The following RORA variants were observed in gnomAD, a reference collection of about 807,000 sequenced individuals.
RORA encodes the protein RAR related orphan receptor A.
In RORA, 7 loss-of-function variants were observed where a neutral mutation model predicts 69.5. That is an observed-to-expected ratio of 0.10 (90% CI 0.06 to 0.19). The LOEUF is 0.19. RORA is among the 10% of genes least tolerant of loss of function. The probability of loss-of-function intolerance (pLI) is 1.00; values close to 1 mark genes in which losing one functional copy is unlikely to be tolerated. For missense variants in RORA, 457 were observed against 663.0 expected (o/e 0.69, Z 3.41); for synonymous variants, 261 against 240.8 (o/e 1.08, Z -0.78).
chr15:60,929,001 G>C (rs1011689679), intron 1 of RORA, among the ~76,000 whole-genome samples: 1 of 151,908 alleles, frequency 6.6e-6, no homozygotes, highest in Non-Finnish European at 1.5e-5. Context: ...CTCAAGCCAA[G>C]GAGCAGACAC....
chr15:61,133,265 G>A (rs1449856658), intron 1 of RORA, among the ~76,000 whole-genome samples: 1 of 152,142 alleles, frequency 6.6e-6, no homozygotes, highest in African/African-American at 2.4e-5. Flanking sequence ...CTGTGGGGGT[G>A]TAAAGAGAAA....
In RORA at chr15:60,522,106, T is replaced by A. The variant is rs545981228; in HGVS notation, c.283-7349A>T. 7.2e-5 allele frequency among the ~76,000 whole-genome samples: 11 copies of A among 152,310 alleles called. No individual in the cohort carries two copies. The East Asian group carries it at 2.1e-3, about 29-fold the overall frequency. ...AGCTGAGTGCTAAAATGTCAGGAAT[T>A]TTGTTATTAAGGCTAGTTATTAAAT... is the stretch of plus-strand genomic sequence containing the variant. On this transcript the variant is annotated intron_variant, in intron 3 of 10. Coordinates refer to ENST00000335670, the MANE Select transcript of RORA (RefSeq NM_134261.3).
intron 1 of RORA, among the ~76,000 whole-genome samples, chr15:60,987,955 G>A (rs954130559): frequency 6.6e-6 from 1 of 152,180 alleles, no homozygotes; most frequent in African/African-American, 2.4e-5. Flanking sequence ...ACTGATTGAT[G>A]GGCTGGATCC....
In RORA at chr15:60,927,845, A is replaced by C. The variant is rs80018108; in HGVS notation, c.167-249159T>G. The stretch of plus-strand genomic sequence containing the variant: ...TGCAGAATGCAAGCGTCAGATTTTG[A>C]GACCATTCAGTCCGATGTTCTCATT... On this transcript the variant is annotated intron_variant, in intron 1 of 10. Coordinates refer to ENST00000335670, the MANE Select transcript of RORA (RefSeq NM_134261.3). Among the ~76,000 whole-genome samples the C allele has an allele frequency of 9.0e-3, 1,377 of 152,330 alleles. 31 individuals carry two copies. Among genetic ancestry groups the C allele is most frequent in the African/African-American group, 0.032 (1,322 of 41,558 alleles).
At chr15:60,825,386 T>C (rs1437715932) in intron 1 of RORA, among the ~76,000 whole-genome samples, 1 of 152,234 alleles carries the variant, frequency 6.6e-6, no homozygotes, top group Admixed American at 6.5e-5. Context: ...GAAGTCACTG[T>C]GACATTAATA....
chr15:61,069,645 A>G (rs1187248563), intron 1 of RORA, among the ~76,000 whole-genome samples: 1 of 152,020 alleles, frequency 6.6e-6, no homozygotes, highest in East Asian at 1.9e-4. Flanking sequence ...ATTAATCCAC[A>G]TTGTGAAAAA....
At chr15:60,506,705 A>T (rs1567042953) in intron 5 of RORA, among the ~76,000 whole-genome samples, 1 of 151,546 alleles carries the variant, frequency 6.6e-6, no homozygotes, top group Non-Finnish European at 1.5e-5. Flanking sequence ...ATACAAAAAA[A>T]AATTGGCGTG....
At chr15:61,141,708 C>CT (rs1371382090) in intron 1 of RORA, among the ~76,000 whole-genome samples, 1 of 152,170 alleles carries the variant, frequency 6.6e-6, no homozygotes, top group Non-Finnish European at 1.5e-5. Flanking sequence ...GGGAGTGTGG[C>CT]TTTATCAGGC....
chr15:61,128,092 G>A lies in RORA; in HGVS notation c.166+100961C>T, dbSNP rs184859901. Among the ~76,000 whole-genome samples, 4 of 152,100 alleles carry A rather than the reference G, an allele frequency of 2.6e-5. No individual in the cohort carries two copies. Among genetic ancestry groups the A allele is most frequent in the Admixed American group, 2.6e-4 (4 of 15,274 alleles). ...GGAGAAAGGGAGGGAAAATGCTTTTGGTTTCACACTGAAACATAATTTCAA... is the reference window on the plus strand; with the variant it reads ...GGAGAAAGGGAGGGAAAATGCTTTTAGTTTCACACTGAAACATAATTTCAA... On this transcript the variant is annotated intron_variant, in intron 1 of 10. Transcript: ENST00000335670. The surrounding 1 kb of genome is among the most constrained non-coding windows in gnomAD (Gnocchi z 4.5).
chr15:60,779,457 G>C (rs1237937924), intron 1 of RORA, among the ~76,000 whole-genome samples: 1 of 152,140 alleles, frequency 6.6e-6, no homozygotes, highest in Non-Finnish European at 1.5e-5. Context: ...TACCGGCCCA[G>C]CCCTGCCATC....
At chr15:60,696,816 T>C (rs944368313) in intron 1 of RORA, among the ~76,000 whole-genome samples, 1 of 152,170 alleles carries the variant, frequency 6.6e-6, no homozygotes, top group African/African-American at 2.4e-5. Flanking sequence ...TTATTTCTGC[T>C]GTAGAAGAAA....
At chr15:60,514,413 C>T (rs1363737856) in intron 4 of RORA, among the ~76,000 whole-genome samples, 4 of 152,092 alleles carry the variant, frequency 2.6e-5, no homozygotes, top group Non-Finnish European at 5.9e-5. Context: ...CATCAGCCAG[C>T]CAGCTGACTC....
At chr15:60,833,042 C>T (rs1365663240) in intron 1 of RORA, among the ~76,000 whole-genome samples, 1 of 148,906 alleles carries the variant, frequency 6.7e-6, no homozygotes, top group African/African-American at 2.5e-5. Flanking sequence ...GTAGCTGGGA[C>T]TACAGGCGCC....
intron 5 of RORA, among the ~76,000 whole-genome samples, chr15:60,510,190 A>T (rs1425813005): frequency 6.6e-6 from 1 of 152,230 alleles, no homozygotes; most frequent in African/African-American, 2.4e-5. Context: ...TAACTTAGTC[A>T]TCTCCACAGC....
At chr15:61,107,656 A>T (rs138484349) in intron 1 of RORA, among the ~76,000 whole-genome samples, 146 of 152,092 alleles carry the variant, frequency 9.6e-4, no homozygotes, top group African/African-American at 3.4e-3. Context: ...ATTTACTTTT[A>T]TCTAGTATAG....
intron 1 of RORA, among the ~76,000 whole-genome samples, chr15:60,959,873 T>A (rs1327354617): frequency 6.6e-6 from 1 of 152,100 alleles, no homozygotes; most frequent in East Asian, 1.9e-4. Context: ...CTGTGAAAAA[T>A]CTCTCAATTC....
At chr15:60,745,941 A>G (rs2071642155) in intron 1 of RORA, among the ~76,000 whole-genome samples, 1 of 152,148 alleles carries the variant, frequency 6.6e-6, no homozygotes, top group Admixed American at 6.5e-5. Flanking sequence ...AAAAGAATGT[A>G]CACTATGAAA....
intron 2 of RORA, among the ~76,000 whole-genome samples, chr15:60,564,376 A>G (rs1338447213): frequency 6.6e-6 from 1 of 152,222 alleles, no homozygotes; most frequent in African/African-American, 2.4e-5. Flanking sequence ...TACTGATTTT[A>G]TCTTAACATA....
chr15:60,540,573 C>CT (rs1405730489), intron 2 of RORA, among the ~76,000 whole-genome samples: 5 of 74,940 alleles, frequency 6.7e-5, no homozygotes, highest in Admixed American at 3.1e-4. Flanking sequence ...GACCCCCCCC[C>CT]CCCAAAACTG....
Sources: allele counts gnomAD v4.1 joint callset (sites outside exome capture counted in the v4.1 genomes callset), GRCh38; gene constraint gnomAD v4.1.1; non-coding constraint Gnocchi (gnomAD v3.1); transcripts MANE v1.5; gene names NCBI Gene and HGNC (gene_info 2026-07-23, HGNC 2026-07-21).